UNC5D: variants seen among roughly 807,000 people sequenced by gnomAD.
The protein encoded by UNC5D is unc-5 netrin receptor D.
Under a neutral mutation model 105.4 loss-of-function variants are expected in UNC5D, and 39 were observed. The ratio of observed to expected loss-of-function variants is 0.37; its 90% CI spans 0.29 to 0.48. UNC5D has a LOEUF of 0.48. UNC5D is among the 20% of genes least tolerant of loss of function. The probability of loss-of-function intolerance (pLI) is 0.98; values close to 1 mark genes in which losing one functional copy is unlikely to be tolerated. For missense variants in UNC5D, 991 were observed against 1,202.4 expected (o/e 0.82, Z 2.60); for synonymous variants, 452 against 450.4 (o/e 1.00, Z -0.04).
chr8:35,630,437 G>A (rs13251122), intron 4 of UNC5D, among the ~76,000 whole-genome samples: 137,792 of 152,256 alleles, frequency 0.91, 62,377 homozygotes, highest in East Asian at 0.96. Context: ...TGAGTTGTCC[G>A]GACTGGCTAT....
Position 35,793,894 on chromosome 8 carries a change from T to C in UNC5D, c.*3331T>C, listed in dbSNP as rs1803153791. On this transcript the variant is annotated 3_prime_UTR_variant, in exon 17 of 17. Coordinates refer to ENST00000404895, the MANE Select transcript of UNC5D (RefSeq NM_080872.4). ...TATTATTTTTATCTCCAACTGCAGGTGGTGTCTTTTGCCAAGGTCTCTGTA... is the reference window on the plus strand; with the variant it reads ...TATTATTTTTATCTCCAACTGCAGGCGGTGTCTTTTGCCAAGGTCTCTGTA... The C allele has an allele frequency of 6.6e-6, 1 of 152,136 alleles. No homozygotes were observed. Among genetic ancestry groups the C allele is most frequent in the Non-Finnish European group, 1.5e-5 (1 of 68,016 alleles). The allele number at this position is 152,136 out of a possible 1,614,324, so 9.4% of individuals were successfully genotyped here.
chr8:35,246,511 G>A (rs1176060262), intron 1 of UNC5D, among the ~76,000 whole-genome samples: 12 of 152,094 alleles, frequency 7.9e-5, no homozygotes, highest in Admixed American at 5.2e-4. Flanking sequence ...GGAGGAGTTA[G>A]GCACCCTCTG....
intron 8 of UNC5D, among the ~76,000 whole-genome samples, chr8:35,714,375 G>A (rs1828131187): frequency 6.6e-6 from 1 of 152,216 alleles, no homozygotes; most frequent in South Asian, 2.1e-4. Context: ...CAGCGAGCAG[G>A]AAGGAAATAT....
At chr8:35,416,717 A>G (rs1585792810) in intron 1 of UNC5D, among the ~76,000 whole-genome samples, 1 of 152,288 alleles carries the variant, frequency 6.6e-6, no homozygotes, top group East Asian at 1.9e-4. Context: ...GAAAAAAAAA[A>G]TGTCCATGGC....
At chr8:35,427,974 T>A (rs948005482) in intron 1 of UNC5D, among the ~76,000 whole-genome samples, 11 of 152,164 alleles carry the variant, frequency 7.2e-5, no homozygotes, top group Non-Finnish European at 1.6e-4. Context: ...CACTTTTCAA[T>A]AACAAAGTCT....
intron 1 of UNC5D, among the ~76,000 whole-genome samples, chr8:35,422,102 T>G (rs1358687765): frequency 2.0e-5 from 3 of 152,230 alleles, no homozygotes; most frequent in Non-Finnish European, 4.4e-5. Context: ...GCTGGGATTG[T>G]TGCAGTGATT....
At chr8:35,369,154 GTGT>G (rs1373903714) in intron 1 of UNC5D, among the ~76,000 whole-genome samples, 1 of 152,138 alleles carries the variant, frequency 6.6e-6, no homozygotes, top group Non-Finnish European at 1.5e-5. Context: ...TAGAGAAACA[GTGT>G]TGGTGGTGAG....
intron 1 of UNC5D, among the ~76,000 whole-genome samples, chr8:35,474,307 G>T (rs1225249178): frequency 5.9e-5 from 9 of 152,208 alleles, no homozygotes; most frequent in African/African-American, 1.9e-4. Flanking sequence ...AAAGACAAAA[G>T]AATTGTTCCT....
At chr8:35,320,197 C>A (rs900295222) in intron 1 of UNC5D, among the ~76,000 whole-genome samples, 1 of 151,532 alleles carries the variant, frequency 6.6e-6, no homozygotes, top group African/African-American at 2.4e-5. Flanking sequence ...AAAGGCAGGA[C>A]AATTCGAAGT....
intron 1 of UNC5D, among the ~76,000 whole-genome samples, chr8:35,458,459 C>T (rs1808646461): frequency 6.6e-6 from 1 of 152,074 alleles, no homozygotes; most frequent in Non-Finnish European, 1.5e-5. Flanking sequence ...ACTTGTTGGC[C>T]ATGAGATTCC....
chr8:35,523,729 G>C (rs1297004866), intron 1 of UNC5D, among the ~76,000 whole-genome samples: 1 of 106,488 alleles, frequency 9.4e-6, no homozygotes, highest in Non-Finnish European at 1.8e-5. Flanking sequence ...GAAGGGGAAA[G>C]AGATCATGGC....
intron 4 of UNC5D, among the ~76,000 whole-genome samples, chr8:35,648,678 C>CAAAA (rs1251731084): frequency 4.3e-5 from 2 of 46,006 alleles, no homozygotes; most frequent in Non-Finnish European, 9.4e-5. Flanking sequence ...GAGTCCGTCT[C>CAAAA]AAAAAAAAAA....
At chr8:35,445,426 T>C (rs925613349) in intron 1 of UNC5D, among the ~76,000 whole-genome samples, 8 of 152,228 alleles carry the variant, frequency 5.3e-5, no homozygotes, top group East Asian at 1.9e-4. Flanking sequence ...AAATAATACA[T>C]TTAACATTTA....
chr8:35,425,474 G>A (rs1806186011), intron 1 of UNC5D, among the ~76,000 whole-genome samples: 1 of 152,244 alleles, frequency 6.6e-6, no homozygotes, highest in South Asian at 2.1e-4. Context: ...CCCCACCCCG[G>A]TTAAAACACT....
At chr8:35,378,572 A>G (rs1197143732) in intron 1 of UNC5D, among the ~76,000 whole-genome samples, 1 of 152,142 alleles carries the variant, frequency 6.6e-6, no homozygotes, top group Non-Finnish European at 1.5e-5. Flanking sequence ...AGAGGTGTGA[A>G]TCATCCAGCA....
At chr8:35,532,295 T>C (rs1292597059) in intron 1 of UNC5D, among the ~76,000 whole-genome samples, 1 of 151,598 alleles carries the variant, frequency 6.6e-6, no homozygotes, top group Non-Finnish European at 1.5e-5. Context: ...TTATTTCTCC[T>C]TCACTTATGA....
At chr8:35,328,801 C>A (rs751445652) in intron 1 of UNC5D, among the ~76,000 whole-genome samples, 2 of 152,164 alleles carry the variant, frequency 1.3e-5, no homozygotes, top group African/African-American at 4.8e-5. Flanking sequence ...ACAGGAGTAT[C>A]GTTCCACATA....
Position 35,793,035 on chromosome 8 carries a change from A to C in UNC5D, c.*2472A>C. The C allele has an allele frequency of 2.2e-6, 1 of 454,478 alleles. No homozygotes were observed. The highest frequency in any genetic ancestry group is 4.4e-6 in the Non-Finnish European group (1 of 226,390). The allele number at this position is 454,478 out of a possible 1,614,324, so 28.2% of individuals were successfully genotyped here. On this transcript the variant is annotated 3_prime_UTR_variant, in exon 17 of 17. Coordinates refer to ENST00000404895, the MANE Select transcript of UNC5D (RefSeq NM_080872.4). ...ATCATATCATATAGGATAACAAAGGAGGAAGTTAACTTAATTCACCTCAGA... is the reference window on the plus strand; with the variant it reads ...ATCATATCATATAGGATAACAAAGGCGGAAGTTAACTTAATTCACCTCAGA...
At chr8:35,495,786 T>C (rs886703590) in intron 1 of UNC5D, among the ~76,000 whole-genome samples, 2 of 152,136 alleles carry the variant, frequency 1.3e-5, no homozygotes, top group African/African-American at 4.8e-5. Context: ...AAAAACCCTA[T>C]TTTTTGATCC....
Sources: gnomAD v4.1 joint callset for allele counts (sites outside exome capture counted in the v4.1 genomes callset) on GRCh38, gnomAD v4.1.1 for gene constraint, MANE v1.5 for transcripts, NCBI Gene and HGNC (gene_info 2026-07-23, HGNC 2026-07-21) for gene names.